Variants in KYAT3 observed in about 807,000 individuals in gnomAD.
The protein encoded by KYAT3 is kynurenine--oxoglutarate transaminase 3.
In KYAT3, 50 loss-of-function variants were observed where a neutral mutation model predicts 59.0. That is an observed-to-expected ratio of 0.85 (90% CI 0.68 to 1.07). The LOEUF (loss-of-function observed/expected upper bound fraction) is 1.07, where lower values mean the gene tolerates loss of function less well. Among genes scored for constraint, KYAT3 ranks in the 50% least tolerant of loss-of-function variants. The pLI is 0.00. For synonymous variants in KYAT3, 148 were observed against 177.0 expected (o/e 0.84, Z 1.30); for missense variants, 497 against 533.3 (o/e 0.93, Z 0.67).
At chr1:88,963,517 A>C (rs1676228341) in intron 5 of KYAT3, among the ~76,000 whole-genome samples, 1 of 152,228 alleles carries the variant, frequency 6.6e-6, no homozygotes, top group Non-Finnish European at 1.5e-5. Context: ...GTTTAAAGAA[A>C]GTTAACAATA....
chr1:88,975,772 T>C (rs977361793), intron 2 of KYAT3, among the ~76,000 whole-genome samples: 14 of 152,172 alleles, frequency 9.2e-5, no homozygotes, highest in African/African-American at 2.9e-4. Context: ...TGGTGGCTCA[T>C]GCCTGTAGTC....
chr1:88,988,975 T>C (rs1025939410), intron 1 of KYAT3, among the ~76,000 whole-genome samples: 7 of 152,200 alleles, frequency 4.6e-5, no homozygotes, highest in African/African-American at 1.7e-4. Flanking sequence ...CCTGTAAGTA[T>C]AAAATTGATA....
At chr1:88,968,554 A>G (rs1157178372) in intron 4 of KYAT3, 116 bp downstream of exon 4, 2 of 781,418 alleles carry the variant, frequency 2.6e-6, no homozygotes, top group African/African-American at 1.8e-5. Flanking sequence ...AGGATGGGAC[A>G]GCTGGTCCCA....
intron 2 of KYAT3, among the ~76,000 whole-genome samples, chr1:88,970,924 T>G (rs1465187867): frequency 6.6e-6 from 1 of 152,212 alleles, no homozygotes; most frequent in African/African-American, 2.4e-5. Flanking sequence ...CCTTTTTTAG[T>G]GTCATATTTT....
chr1:88,976,984 C>A lies in KYAT3; in HGVS notation c.100-7517G>T, dbSNP rs77017469. Reference sequence around the variant, plus strand: ...TAAAAAGTTACAGTAGGTGAATTGTCTTCAATTTATTATTGAAGAAGAAAG... The same window carrying A: ...TAAAAAGTTACAGTAGGTGAATTGTATTCAATTTATTATTGAAGAAGAAAG... On this transcript the variant is annotated intron_variant, in intron 2 of 13. Coordinates refer to ENST00000260508, the MANE Select transcript of KYAT3 (RefSeq NM_001008661.3). Among the ~76,000 whole-genome samples, 1,489 of 152,222 alleles carry A rather than the reference C, an allele frequency of 9.8e-3. 23 individuals carry two copies. The highest frequency in any genetic ancestry group is 0.033 in the African/African-American group (1,372 of 41,544).
chr1:88,943,555 T>G (rs956823979), intron 11 of KYAT3, 132 bp from the exon 12 acceptor site: 9 of 625,698 alleles, frequency 1.4e-5, no homozygotes, highest in African/African-American at 3.7e-5. Flanking sequence ...CAGAACATAG[T>G]CACAGAATAT....
chr1:88,942,858 A>T, intron 13 of KYAT3, 147 bp downstream of exon 13: 1 of 643,684 alleles, frequency 1.6e-6, no homozygotes, highest in Non-Finnish European at 2.7e-6. Flanking sequence ...CACCACGCCC[A>T]GCCAGTAAGC....
At chr1:88,974,543 G>A (rs1477778415) in intron 2 of KYAT3, among the ~76,000 whole-genome samples, 2 of 142,570 alleles carry the variant, frequency 1.4e-5, no homozygotes, top group Non-Finnish European at 3.0e-5. Flanking sequence ...GCATGATCTC[G>A]GCTCACTGCA....
chr1:88,975,677 C>T (rs1676757226), intron 2 of KYAT3, among the ~76,000 whole-genome samples: 5 of 152,354 alleles, frequency 3.3e-5, no homozygotes, highest in South Asian at 4.1e-4. Context: ...AACACAGAGT[C>T]ATGTGCTGCA....
rs372881093 is a variant in KYAT3, at chr1:88,965,479, T to A, written c.304-501A>T. 6.6e-5 allele frequency among the ~76,000 whole-genome samples: 10 copies of A among 152,048 alleles called. No individual in the cohort carries two copies. The South Asian group carries it at 1.0e-3, about 16-fold the overall frequency. ...ACACTAGTGTTGATGTGATAGCAAA[T>A]GTTAGAAGGAAGTGAGACACTACTC... is the stretch of plus-strand genomic sequence containing the variant. On this transcript the variant is annotated intron_variant, in intron 4 of 13. Coordinates refer to ENST00000260508, the MANE Select transcript of KYAT3 (RefSeq NM_001008661.3).
At chr1:88,926,975 A>G in the KYAT3 span, among the ~76,000 whole-genome samples, 1 of 152,174 alleles carries the variant, frequency 6.6e-6, no homozygotes, top group East Asian at 1.9e-4. Flanking sequence ...CACGCTGGTA[A>G]AGGACCACTA....
At chr1:88,929,167 C>T in the KYAT3 span, among the ~76,000 whole-genome samples, 5 of 152,224 alleles carry the variant, frequency 3.3e-5, no homozygotes, top group African/African-American at 1.2e-4. Flanking sequence ...CCAACAAGGA[C>T]TCCAAAAGAT....
In KYAT3 at chr1:88,983,662, G is replaced by A. The variant is rs139883421; in HGVS notation, c.99+4590C>T. The A allele has an allele frequency of 4.9e-5, 79 of 1,613,802 alleles. No homozygotes were observed. The African/African-American group carries it at 8.7e-4, about 18-fold the overall frequency. On this transcript the variant is annotated intron_variant, in intron 2 of 13. Coordinates refer to ENST00000260508, the MANE Select transcript of KYAT3 (RefSeq NM_001008661.3). ...CCTTAGCGTCTGCTGGGCTTTCAAA[G>A]GTGACAAAAGCAAATCCTCTTGATT...
chr1:88,944,214 T>C (rs1458307940), intron 11 of KYAT3, among the ~76,000 whole-genome samples: 3 of 152,236 alleles, frequency 2.0e-5, no homozygotes, highest in African/African-American at 7.2e-5. Flanking sequence ...AAGCAACTAA[T>C]ATTGATGGTT....
chr1:88,952,187 T>C (rs899733761), intron 10 of KYAT3, among the ~76,000 whole-genome samples: 6 of 152,226 alleles, frequency 3.9e-5, no homozygotes, highest in Admixed American at 1.3e-4. Context: ...CTTAATATGG[T>C]CATATAACAT....
At chr1:88,979,548 C>T (rs1676971768) in intron 2 of KYAT3, 1 of 152,126 alleles carries the variant, frequency 6.6e-6, no homozygotes, top group Non-Finnish European at 1.5e-5. Flanking sequence ...AAAGATTTGA[C>T]AGCCACTTCA....
At chr1:88,964,235 C>G (rs1676254578) in intron 5 of KYAT3, among the ~76,000 whole-genome samples, 1 of 152,134 alleles carries the variant, frequency 6.6e-6, no homozygotes, top group Admixed American at 6.6e-5. Flanking sequence ...AACATCCTCA[C>G]ATGGGATGGC....
intron 1 of KYAT3, among the ~76,000 whole-genome samples, chr1:88,991,879 ACT>A (rs1677817264): frequency 6.6e-6 from 1 of 152,186 alleles, no homozygotes; most frequent in East Asian, 1.9e-4. Context: ...TTTCTGCGCC[ACT>A]CGACTCCAAA....
intron 13 of KYAT3, among the ~76,000 whole-genome samples, chr1:88,938,053 T>A (rs576614136): frequency 1.4e-4 from 22 of 152,270 alleles, no homozygotes; most frequent in African/African-American, 5.1e-4. Context: ...GTTAACTTCA[T>A]GATTTTGAGG....
Sources: gnomAD v4.1 joint callset for allele counts (sites outside exome capture counted in the v4.1 genomes callset) on GRCh38, gnomAD v4.1.1 for gene constraint, MANE v1.5 for transcripts, NCBI Gene and HGNC (gene_info 2026-07-23, HGNC 2026-07-21) for gene names.